Variants in NINL observed in about 807,000 individuals in gnomAD.
NINL encodes the protein ninein-like protein.
Under a neutral mutation model 160.3 loss-of-function variants are expected in NINL, and 153 were observed. That is an observed-to-expected ratio of 0.95 (90% CI 0.84 to 1.09). NINL has a LOEUF of 1.09. Ranked by LOEUF, NINL falls within the 50% of genes least tolerant of loss-of-function variation. The pLI is 0.00. For missense variants in NINL, 1,829 were observed against 1,764.0 expected (o/e 1.04, Z -0.66); for synonymous variants, 800 against 734.8 (o/e 1.09, Z -1.43).
At chr20:25,490,539 G>A (rs1440020327) in intron 11 of NINL, among the ~76,000 whole-genome samples, 72 of 143,942 alleles carry the variant, frequency 5.0e-4, no homozygotes, top group African/African-American at 1.2e-3. Flanking sequence ...TAGCCTGGGC[G>A]ACAGAGCGAG....
chr20:25,453,696 G>C, intron 23 of NINL, 54 bp from the exon 24 acceptor site: 13 of 1,481,374 alleles, frequency 8.8e-6, no homozygotes, highest in South Asian at 1.3e-5. Flanking sequence ...AAACGCTACA[G>C]ATCAGCCTGC....
At chr20:25,580,402 G>A (rs2065160912) in intron 1 of NINL, among the ~76,000 whole-genome samples, 1 of 152,038 alleles carries the variant, frequency 6.6e-6, no homozygotes, top group Non-Finnish European at 1.5e-5. Flanking sequence ...ACAAAAATTG[G>A]TATATCCTAG....
intron 19 of NINL, among the ~76,000 whole-genome samples, chr20:25,463,917 A>T (rs1054571027): frequency 1.3e-5 from 2 of 152,214 alleles, no homozygotes; most frequent in Non-Finnish European, 2.9e-5. Flanking sequence ...CCACCACGAC[A>T]TAAGCGTGTG....
At chr20:25,462,128 A>G (rs1044454476) in intron 20 of NINL, among the ~76,000 whole-genome samples, 1 of 152,204 alleles carries the variant, frequency 6.6e-6, no homozygotes, top group Admixed American at 6.5e-5. Flanking sequence ...CTAAGTGTGT[A>G]TTTTGCCAAA....
At chr20:25,583,958 C>T (rs1484315144) in intron 1 of NINL, among the ~76,000 whole-genome samples, 1 of 152,046 alleles carries the variant, frequency 6.6e-6, no homozygotes, top group Non-Finnish European at 1.5e-5. Context: ...GAACATCACA[C>T]ACCTCACACA....
intron 17 of NINL, among the ~76,000 whole-genome samples, chr20:25,473,807 G>T (rs2075198594): frequency 6.6e-6 from 1 of 152,204 alleles, no homozygotes; most frequent in East Asian, 1.9e-4. Context: ...GGCAAAGGTT[G>T]CAGTGAGCTG....
Position 25,476,573 on chromosome 20 carries a change from CCA to C in NINL, c.2716_2717del (p.Trp906ValfsTer67). 1 of 1,599,476 alleles carries C rather than the reference CCA, an allele frequency of 6.3e-7. No homozygotes were observed. ...APASHGPSER[W>X]SRMQPCGVDG... ...CCACTCCACAGGGCTGCATGCGTGA[CCA>C]CCTCTCTGAGGGGCCGTGGGATGCC... On this transcript the variant is annotated frameshift_variant, in exon 17 of 24. Transcript: ENST00000278886. LOFTEE classifies it high-confidence loss of function.
intron 16 of NINL, among the ~76,000 whole-genome samples, chr20:25,478,374 C>T (rs571065610): frequency 4.6e-5 from 7 of 152,326 alleles, no homozygotes; most frequent in Admixed American, 2.6e-4. Context: ...AGCCTGTCTG[C>T]GATGACCAGG....
At chr20:25,518,959 A>C (rs1434821380) in intron 2 of NINL, among the ~76,000 whole-genome samples, 1 of 152,078 alleles carries the variant, frequency 6.6e-6, no homozygotes, top group Non-Finnish European at 1.5e-5. Context: ...TTAGCCGGGC[A>C]TGCTGGCGTG....
rs1478578721 is a variant in NINL at position 25,469,212 on chromosome 20, GT to G, written c.3353+778del. On this transcript the variant is annotated intron_variant, in intron 18 of 23. Coordinates refer to ENST00000278886, the MANE Select transcript of NINL (RefSeq NM_025176.6). ...TTGCCCTGTCCCCCGACTCTCACTG[GT>G]GGGCGCCCGCCTGCCCTGTCCCCCT... Among the ~76,000 whole-genome samples, 177 of 110,988 alleles carry G rather than the reference GT, an allele frequency of 1.6e-3. 7 individuals carry two copies. Among genetic ancestry groups the G allele is most frequent in the African/African-American group, 2.6e-3 (71 of 27,068 alleles). The allele number at this position is 110,988 out of a possible 152,430, so 72.8% of individuals were successfully genotyped here.
intron 13 of NINL, 182 bp downstream of exon 13, chr20:25,489,062 G>C (rs1191776201): frequency 1.6e-6 from 1 of 630,790 alleles, no homozygotes; most frequent in African/African-American, 1.8e-5. Flanking sequence ...GCGGCCTTCA[G>C]GATAGGTGGC....
At chr20:25,505,216 G>T in intron 5 of NINL, 138 bp from the exon 6 acceptor site, 1 of 761,846 alleles carries the variant, frequency 1.3e-6, no homozygotes. Context: ...GAAATTAGCA[G>T]ACACAGAAAG....
In NINL at chr20:25,462,685, C is replaced by T. The variant is rs192999346; in HGVS notation, c.3424-144G>A. 1.6e-4 allele frequency: 92 copies of T among 567,144 alleles called. No individual in the cohort carries two copies. The East Asian group carries it at 4.0e-3, about 25-fold the overall frequency. The allele number at this position is 567,144 out of a possible 1,614,324, so 35.1% of individuals were successfully genotyped here. On this transcript the variant is annotated intron_variant, in intron 19 of 23. Coordinates refer to ENST00000278886, the MANE Select transcript of NINL (RefSeq NM_025176.6). ...TGTTTTGTTTTTCAAGACAGGCTCT[C>T]GCTCTGTTGCCCTGGCTGGAGTGCG...
At chr20:25,477,194 G>T in intron 16 of NINL, 105 bp from the exon 17 acceptor site, 1 of 1,134,830 alleles carries the variant, frequency 8.8e-7, no homozygotes, top group South Asian at 1.6e-5. Context: ...TCCTCTCTGT[G>T]GTTGGCTTTC....
chr20:25,554,411 C>G (rs1299219060), intron 1 of NINL, among the ~76,000 whole-genome samples: 1 of 152,066 alleles, frequency 6.6e-6, no homozygotes, highest in Non-Finnish European at 1.5e-5. Flanking sequence ...GGTATGGGCT[C>G]ATGGAAGAGA....
intron 1 of NINL, among the ~76,000 whole-genome samples, chr20:25,568,760 G>T (rs1161598290): frequency 6.6e-6 from 1 of 151,982 alleles, no homozygotes; most frequent in Middle Eastern, 3.2e-3. Context: ...TGAAAGAGAT[G>T]ATCTGAATAG....
chr20:25,533,443 C>T lies in NINL; in HGVS notation c.-11-6845G>A, dbSNP rs867969683. ...TGACATGTTACAGTGGCAAAACAAA[C>T]GTCAACAGCAGAATCGGAAGACAAG... On this transcript the variant is annotated intron_variant, in intron 1 of 23. Transcript: ENST00000278886. 4.6e-5 allele frequency among the ~76,000 whole-genome samples: 7 copies of T among 152,048 alleles called. No individual in the cohort carries two copies. In the East Asian group the frequency reaches 1.2e-3, roughly 25 times the overall value.
intron 14 of NINL, 43 bp from the exon 15 acceptor site, chr20:25,480,310 C>T (rs775506548): frequency 2.0e-6 from 3 of 1,536,806 alleles, no homozygotes; most frequent in Non-Finnish European, 2.7e-6. Context: ...CTGAGGATGC[C>T]ACGGGGGCCC....
At chr20:25,502,800 C>T (rs2063893442) in intron 7 of NINL, among the ~76,000 whole-genome samples, 1 of 152,184 alleles carries the variant, frequency 6.6e-6, no homozygotes, top group Non-Finnish European at 1.5e-5. Flanking sequence ...CCTTCACCTT[C>T]TGCCATGATT....
Sources: allele counts gnomAD v4.1 joint callset (sites outside exome capture counted in the v4.1 genomes callset), GRCh38; gene constraint gnomAD v4.1.1; transcripts MANE v1.5; gene names NCBI Gene and HGNC (gene_info 2026-07-23, HGNC 2026-07-21).